SERINC5: variants seen among roughly 807,000 people sequenced by gnomAD.
SERINC5 encodes the protein chromosome 5 open reading frame 12.
Under a neutral mutation model 63.1 loss-of-function variants are expected in SERINC5, and 41 were observed. That is an observed-to-expected ratio of 0.65 (90% CI 0.51 to 0.84). The LOEUF (loss-of-function observed/expected upper bound fraction) is 0.84, where lower values mean the gene tolerates loss of function less well. SERINC5 is among the 40% of genes least tolerant of loss of function. The probability of loss-of-function intolerance (pLI) is 0.00; values close to 1 mark genes in which losing one functional copy is unlikely to be tolerated. For missense variants in SERINC5, 523 were observed against 573.0 expected, an observed-to-expected ratio of 0.91 and a Z score of 0.89; for synonymous variants, 222 against 215.2, an observed-to-expected ratio of 1.03 and a Z score of -0.28.
Position 80,141,087 on chromosome 5 carries a change from A to G in SERINC5, c.*2576T>C. 2.0e-6 allele frequency: 2 copies of G among 985,382 alleles called. No homozygotes were observed. The highest frequency in any genetic ancestry group is 1.2e-6 in the Non-Finnish European group (1 of 829,864). 61.0% of individuals were successfully genotyped at this position (985,382 alleles called of 1,614,324 possible). On this transcript the variant is annotated 3_prime_UTR_variant, in exon 12 of 12. Transcript: ENST00000507668. The stretch of plus-strand genomic sequence containing the variant: ...TGTTGACTCCTCACCTGAGTATTGT[A>G]TATCACAATTAATAACCATTAACAT...
intron 1 of SERINC5, among the ~76,000 whole-genome samples, chr5:80,206,831 AAG>A (rs1561426427): frequency 1.1e-5 from 1 of 91,594 alleles, no homozygotes; most frequent in Non-Finnish European, 2.2e-5. Context: ...TTTTTTTTTT[AAG>A]AGACAGAGTT....
chr5:80,169,937 T>G (rs954225580), intron 5 of SERINC5, among the ~76,000 whole-genome samples: 1 of 152,156 alleles, frequency 6.6e-6, no homozygotes, highest in African/African-American at 2.4e-5. Flanking sequence ...CACAGAATCT[T>G]CTGTGGCTGG....
intron 2 of SERINC5, among the ~76,000 whole-genome samples, chr5:80,183,161 G>A (rs1052562995): frequency 6.6e-6 from 1 of 152,204 alleles, no homozygotes; most frequent in Non-Finnish European, 1.5e-5. Flanking sequence ...GTAACCCCAG[G>A]CAGAGAAACC....
At chr5:80,255,428 G>C (rs538071033) in intron 1 of SERINC5, among the ~76,000 whole-genome samples, 1 of 152,156 alleles carries the variant, frequency 6.6e-6, no homozygotes, top group African/African-American at 2.4e-5. Flanking sequence ...TCGACTACGA[G>C]ATGCCAAGCG....
intron 11 of SERINC5, among the ~76,000 whole-genome samples, chr5:80,117,690 A>G (rs1744387859): frequency 6.6e-6 from 1 of 151,688 alleles, no homozygotes; most frequent in African/African-American, 2.4e-5. Context: ...CAACACAGAA[A>G]GTTACTCTCT....
chr5:80,239,554 A>C (rs1751859713), intron 1 of SERINC5, among the ~76,000 whole-genome samples: 1 of 151,948 alleles, frequency 6.6e-6, no homozygotes. Flanking sequence ...GACAAGCATG[A>C]AAACCCAATC....
At chr5:80,172,915 C>T (rs1747755433) in intron 5 of SERINC5, among the ~76,000 whole-genome samples, 1 of 152,176 alleles carries the variant, frequency 6.6e-6, no homozygotes, top group Admixed American at 6.5e-5. Context: ...ATCTTCAACC[C>T]TAACCTTTCC....
rs547222343 is a variant in SERINC5 at position 80,169,485 on chromosome 5, T to A, written c.613A>T (p.Met205Leu). 2 of 1,613,948 alleles carry A rather than the reference T, an allele frequency of 1.2e-6. No homozygotes were observed. The highest frequency in any genetic ancestry group is 4.5e-5 in the East Asian group (2 of 44,874). Residue 205 changes from methionine to leucine, a missense_variant, in exon 6 of 12, where the codon ATG becomes TTG. Coordinates refer to ENST00000507668, the MANE Select transcript of SERINC5 (RefSeq NM_001174072.3). Reference sequence around the variant, plus strand: ...AAGCCTCCAGTGGCAATGGAATACATGATGAGCGTCACCAGGGCCAGGGAG... The same window carrying A: ...AAGCCTCCAGTGGCAATGGAATACAAGATGAGCGTCACCAGGGCCAGGGAG... ...YASLALVTLI[M>L]YSIATGGLVL...
At chr5:80,194,606 A>T (rs1194339795) in intron 2 of SERINC5, among the ~76,000 whole-genome samples, 1 of 152,192 alleles carries the variant, frequency 6.6e-6, no homozygotes, top group Non-Finnish European at 1.5e-5. Flanking sequence ...TCATCCCTTG[A>T]GCTCAGCTTT....
chr5:80,199,248 C>G (rs913020858), intron 2 of SERINC5, among the ~76,000 whole-genome samples: 1 of 152,156 alleles, frequency 6.6e-6, no homozygotes, highest in Non-Finnish European at 1.5e-5. Flanking sequence ...AATCCTAACC[C>G]CACCATTTAA....
intron 1 of SERINC5, among the ~76,000 whole-genome samples, chr5:80,210,011 T>C (rs1750357596): frequency 1.3e-5 from 2 of 151,702 alleles, no homozygotes; most frequent in Admixed American, 1.3e-4. Context: ...TGAGCAGAGA[T>C]TGCACCATTG....
chr5:80,135,195 G>A (rs928964930), downstream of SERINC5, among the ~76,000 whole-genome samples: 4 of 152,084 alleles, frequency 2.6e-5, no homozygotes, highest in South Asian at 2.1e-4. Flanking sequence ...CACCAAGCCC[G>A]CCTAATTTTT....
chr5:80,227,020 T>A (rs1320044728), intron 1 of SERINC5, among the ~76,000 whole-genome samples: 1 of 152,116 alleles, frequency 6.6e-6, no homozygotes, highest in East Asian at 1.9e-4. Context: ...CTCAGCATCC[T>A]GAGTAGCTGG....
rs1447075270 is a variant in SERINC5 at position 80,139,579 on chromosome 5, T to C, written c.*4084A>G. 5 of 857,366 alleles carry C rather than the reference T, an allele frequency of 5.8e-6. No individual in the cohort carries two copies. In the African/African-American group the frequency reaches 1.3e-4, roughly 22 times the overall value. 53.1% of individuals were successfully genotyped at this position (857,366 alleles called of 1,614,324 possible). Reference sequence around the variant, plus strand: ...CAAAATGACTGCCTCTGTGAAAGAGTTGTTGAGAAAGAAGAAAAGAGAGAG... The same window carrying C: ...CAAAATGACTGCCTCTGTGAAAGAGCTGTTGAGAAAGAAGAAAAGAGAGAG... On this transcript the variant is annotated 3_prime_UTR_variant, in exon 12 of 12. Coordinates refer to ENST00000507668, the MANE Select transcript of SERINC5 (RefSeq NM_001174072.3).
intron 2 of SERINC5, among the ~76,000 whole-genome samples, chr5:80,182,554 C>CA (rs1456754125): frequency 1.4e-4 from 7 of 48,392 alleles, no homozygotes; most frequent in South Asian, 4.9e-4. Context: ...GCCCCCCCCC[C>CA]CTCCGCTTTT....
At chr5:80,134,567 G>C (rs978470871), downstream of SERINC5, among the ~76,000 whole-genome samples, 1 of 152,164 alleles carries the variant, frequency 6.6e-6, no homozygotes, top group African/African-American at 2.4e-5. Flanking sequence ...AATTAGTTCA[G>C]CCTACACCCA....
chr5:80,213,931 TACAC>T (rs1750548112), intron 1 of SERINC5, among the ~76,000 whole-genome samples: 1 of 152,230 alleles, frequency 6.6e-6, no homozygotes, highest in Non-Finnish European at 1.5e-5. Flanking sequence ...ACCTTGATTC[TACAC>T]TCTCTAAGCA....
In SERINC5 at chr5:80,138,767, G is replaced by A. The variant is rs1311352417; in HGVS notation, c.*4896C>T. 2 of 963,230 alleles carry A rather than the reference G, an allele frequency of 2.1e-6. No homozygotes were observed. The highest frequency in any genetic ancestry group is 1.1e-4 in the East Asian group (1 of 8,714). 59.7% of individuals were successfully genotyped at this position (963,230 alleles called of 1,614,324 possible). A position where few individuals can be genotyped will look rare whatever the true frequency, so the allele number is the denominator to read the frequency against. The stretch of plus-strand genomic sequence containing the variant: ...ATATATCTTTTATTTGTCAATTAAA[G>A]GATCAGCATAGACTCCATGAAACTT... On this transcript the variant is annotated 3_prime_UTR_variant, in exon 12 of 12. Coordinates refer to ENST00000507668, the MANE Select transcript of SERINC5 (RefSeq NM_001174072.3).
At chr5:80,180,715 C>T (rs780869566) in intron 2 of SERINC5, among the ~76,000 whole-genome samples, 12 of 152,054 alleles carry the variant, frequency 7.9e-5, no homozygotes, top group South Asian at 2.1e-4. Flanking sequence ...CAGTAAACTC[C>T]GCTATAAAAG....
Sources: gnomAD v4.1 joint callset for allele counts (sites outside exome capture counted in the v4.1 genomes callset) on GRCh38, gnomAD v4.1.1 for gene constraint, MANE v1.5 for transcripts, NCBI Gene and HGNC (gene_info 2026-07-23, HGNC 2026-07-21) for gene names.